KIZ: variants seen among roughly 807,000 people sequenced by gnomAD.
KIZ encodes the protein centrosomal protein kizuna.
Under a neutral mutation model 79.6 loss-of-function variants are expected in KIZ, and 68 were observed. The ratio of observed to expected loss-of-function variants is 0.85; its 90% confidence interval spans 0.70 to 1.05. KIZ has a LOEUF of 1.05. Ranked by LOEUF, KIZ falls within the 50% of genes least tolerant of loss-of-function variation. The pLI, the probability that KIZ is intolerant of heterozygous loss-of-function variation, is 0.00. For synonymous variants in KIZ, 280 were observed against 281.8 expected (o/e 0.99, Z 0.06); for missense variants, 797 against 800.4 (o/e 1.00, Z 0.05).
At chr20:21,141,821 A>ACTCTCT (rs1286201360) in intron 3 of KIZ, among the ~76,000 whole-genome samples, 1 of 111,092 alleles carries the variant, frequency 9.0e-6, no homozygotes, top group Non-Finnish European at 1.9e-5. Context: ...ACACACACAC[A>ACTCTCT]CACTCTCTCT....
intron 6 of KIZ, among the ~76,000 whole-genome samples, chr20:21,170,223 C>T (rs879675302): frequency 6.6e-6 from 1 of 152,080 alleles, no homozygotes; most frequent in Non-Finnish European, 1.5e-5. Context: ...TACAAGCATG[C>T]AATGTATAAT....
chr20:21,204,877 G>A (rs16982585), intron 6 of KIZ, among the ~76,000 whole-genome samples: 2,220 of 152,286 alleles, frequency 0.015, 49 homozygotes, highest in African/African-American at 0.05. Context: ...CTGCTGTTGA[G>A]ATGAAAATGT....
intron 6 of KIZ, among the ~76,000 whole-genome samples, chr20:21,173,882 G>A (rs547318053): frequency 6.6e-6 from 1 of 152,164 alleles, no homozygotes; most frequent in African/African-American, 2.4e-5. Context: ...AAATCATCAG[G>A]GTATAAATAC....
chr20:21,157,235 T>G (rs1211333837), intron 4 of KIZ, among the ~76,000 whole-genome samples: 1 of 152,232 alleles, frequency 6.6e-6, no homozygotes, highest in Non-Finnish European at 1.5e-5. Flanking sequence ...TTGCCTTTTT[T>G]GGGCCCTTGG....
At chr20:21,240,066 A>G (rs1265669748) in intron 11 of KIZ, among the ~76,000 whole-genome samples, 1 of 152,228 alleles carries the variant, frequency 6.6e-6, no homozygotes, top group East Asian at 1.9e-4. Flanking sequence ...GACCAAAGCT[A>G]CTGGGAAATT....
intron 2 of KIZ, among the ~76,000 whole-genome samples, chr20:21,134,970 C>T (rs1352201757): frequency 3.9e-5 from 6 of 152,180 alleles, no homozygotes; most frequent in Non-Finnish European, 7.3e-5. Flanking sequence ...CCCGACCCAT[C>T]TTTCAGGTCT....
intron 3 of KIZ, among the ~76,000 whole-genome samples, chr20:21,136,967 G>GA (rs2032227674): frequency 6.6e-6 from 1 of 152,154 alleles, no homozygotes; most frequent in South Asian, 2.1e-4. Context: ...TTTAGTTAAG[G>GA]AATCAATGGG....
At chr20:21,210,233 G>A (rs2036012349) in intron 7 of KIZ, among the ~76,000 whole-genome samples, 1 of 152,026 alleles carries the variant, frequency 6.6e-6, no homozygotes, top group Non-Finnish European at 1.5e-5. Context: ...GCTTGAACCT[G>A]GGAGGCAGAG....
At chr20:21,144,475 T>G (rs2032741503) in intron 3 of KIZ, among the ~76,000 whole-genome samples, 1 of 152,160 alleles carries the variant, frequency 6.6e-6, no homozygotes, top group Non-Finnish European at 1.5e-5. Context: ...TTGTTATTGC[T>G]TTATCTATTC....
intron 4 of KIZ, among the ~76,000 whole-genome samples, chr20:21,147,385 A>G (rs1316594633): frequency 6.6e-6 from 1 of 152,230 alleles, no homozygotes; most frequent in African/African-American, 2.4e-5. Context: ...CTAATTTTCC[A>G]TTGATGTTCA....
chr20:21,235,874 C>T (rs763717418), intron 11 of KIZ, among the ~76,000 whole-genome samples: 1 of 152,218 alleles, frequency 6.6e-6, no homozygotes, highest in Non-Finnish European at 1.5e-5. Flanking sequence ...GCTCTGATGG[C>T]GGTGGCATTT....
At chr20:21,166,356 A>C (rs1054430845) in intron 6 of KIZ, 4 of 1,604,526 alleles carry the variant, frequency 2.5e-6, no homozygotes, top group Non-Finnish European at 3.4e-6. Context: ...TTTGAGTTGC[A>C]CGTCAAATCT....
intron 11 of KIZ, among the ~76,000 whole-genome samples, chr20:21,241,057 C>G (rs2037199625): frequency 6.6e-6 from 1 of 152,240 alleles, no homozygotes; most frequent in Non-Finnish European, 1.5e-5. Context: ...GCACATAAGA[C>G]CACATGGTGA....
At chr20:21,146,742 G>C (rs1242762314) in intron 4 of KIZ, among the ~76,000 whole-genome samples, 13 of 152,008 alleles carry the variant, frequency 8.6e-5, no homozygotes, top group Non-Finnish European at 2.9e-5. Context: ...TAGGAGGAAG[G>C]TTTTAGTTTT....
chr20:21,161,815 C>A, intron 4 of KIZ, 56 bp from the exon 5 acceptor site: 1 of 1,259,848 alleles, frequency 7.9e-7, no homozygotes, highest in Non-Finnish European at 1.1e-6. Context: ...AAAAAAAAAC[C>A]CCACCTAATT....
At chr20:21,139,661 A>AAGGG (rs2032405363) in intron 3 of KIZ, among the ~76,000 whole-genome samples, 1 of 152,158 alleles carries the variant, frequency 6.6e-6, no homozygotes, top group South Asian at 2.1e-4. Context: ...AAGGAATTTG[A>AAGGG]AGGGAAGAAT....
At chr20:21,131,770 G>A (rs1273994038) in intron 1 of KIZ, 1 of 218,712 alleles carries the variant, frequency 4.6e-6, no homozygotes, top group Non-Finnish European at 9.0e-6. Context: ...CTAAATGAAG[G>A]CACCTGCTTC....
At chr20:21,164,713 CTT>C (rs11475262) in intron 6 of KIZ, among the ~76,000 whole-genome samples, 36 of 148,040 alleles carry the variant, frequency 2.4e-4, no homozygotes, top group African/African-American at 4.5e-4. Context: ...ATTCGAATGA[CTT>C]TTTTTTTTTT....
intron 8 of KIZ, 100 bp from the exon 9 acceptor site, chr20:21,215,483 C>CAAAA: frequency 8.4e-6 from 4 of 475,908 alleles, no homozygotes; most frequent in East Asian, 3.7e-5. Context: ...ATACATTAAC[C>CAAAA]AAAAAAAAAA....
Sources: gnomAD v4.1 joint callset for allele counts (sites outside exome capture counted in the v4.1 genomes callset) on GRCh38, gnomAD v4.1.1 for gene constraint, MANE v1.5 for transcripts, NCBI Gene and HGNC (gene_info 2026-07-23, HGNC 2026-07-21) for gene names.